Variants in FGL1 observed in about 807,000 individuals in gnomAD.
FGL1 encodes fibrinogen like 1.
Under a neutral mutation model 43.7 loss-of-function variants are expected in FGL1, and 59 were observed. The ratio of observed to expected loss-of-function variants is 1.35; its 90% CI spans 1.10 to 1.68. The LOEUF (loss-of-function observed/expected upper bound fraction) is 1.68. Ranked by LOEUF, FGL1 falls within the 40% of genes most tolerant of loss-of-function variation. The pLI is 0.00. For synonymous variants in FGL1, 192 were observed against 126.5 expected, an observed-to-expected ratio of 1.52 and a Z score of -3.48; for missense variants, 596 against 373.0, an observed-to-expected ratio of 1.60 and a Z score of -4.92.
chr8:17,870,781 C>G (rs1287835757), intron 5 of FGL1, among the ~76,000 whole-genome samples: 1 of 152,016 alleles, frequency 6.6e-6, no homozygotes, highest in East Asian at 1.9e-4. Flanking sequence ...TGGCACGTGC[C>G]TGTAATCCCA....
chr8:17,864,824 T>C, intron 7 of FGL1, 73 bp from the exon 8 acceptor site: 7 of 1,230,062 alleles, frequency 5.7e-6, no homozygotes, highest in Non-Finnish European at 7.3e-6. Flanking sequence ...CCTTTTATTT[T>C]GCTACAAATG....
At chr8:17,877,809 A>G (rs61091837) in intron 3 of FGL1, among the ~76,000 whole-genome samples, 1,769 of 152,308 alleles carry the variant, frequency 0.012, 41 homozygotes, top group African/African-American at 0.041. Flanking sequence ...TAAATGTGCA[A>G]TTAAATTAAT....
In FGL1 at chr8:17,881,989, C is replaced by G. The variant is rs772044342; in HGVS notation, c.244+10G>C. ...AGTTATAGAAACACTTAAGAAAAGT[C>G]CATTCTGACCTGCATACTGCCTCTT... On this transcript the variant is annotated intron_variant, in intron 3 of 7. Transcript: ENST00000427924. The G allele has an allele frequency of 6.2e-7, 1 of 1,610,740 alleles. No individual in the cohort carries two copies. The highest frequency in any genetic ancestry group is 1.3e-5 in the African/African-American group (1 of 74,926).
intron 7 of FGL1, 90 bp downstream of exon 7, chr8:17,868,458 T>A: frequency 1.0e-6 from 1 of 955,066 alleles, no homozygotes; most frequent in Non-Finnish European, 1.5e-6. Context: ...AAATAAAGAC[T>A]AACATTACCA....
chr8:17,878,325 G>C (rs935520934), intron 3 of FGL1, among the ~76,000 whole-genome samples: 5 of 152,160 alleles, frequency 3.3e-5, no homozygotes, highest in Non-Finnish European at 7.3e-5. Context: ...TCATTCTTCA[G>C]ATGGGGAATA....
intron 1 of FGL1, among the ~76,000 whole-genome samples, chr8:17,889,405 C>A (rs1452552488): frequency 1.3e-5 from 2 of 152,038 alleles, no homozygotes; most frequent in African/African-American, 4.8e-5. Context: ...CAAAAATTAG[C>A]CAGGTGTGGT....
chr8:17,892,083 T>C (rs1365003665), intron 1 of FGL1, among the ~76,000 whole-genome samples: 2 of 152,226 alleles, frequency 1.3e-5, no homozygotes, highest in East Asian at 3.8e-4. Flanking sequence ...ATAAATATGT[T>C]TTTTGAGCAA....
intron 3 of FGL1, among the ~76,000 whole-genome samples, chr8:17,879,918 A>C (rs2053509745): frequency 1.3e-5 from 2 of 152,156 alleles, no homozygotes; most frequent in South Asian, 4.1e-4. Context: ...ATGTGTTCAA[A>C]TAGAAACCCC....
At chr8:17,872,255 T>C (rs1304110228) in intron 5 of FGL1, among the ~76,000 whole-genome samples, 1 of 151,522 alleles carries the variant, frequency 6.6e-6, no homozygotes, top group African/African-American at 2.4e-5. Flanking sequence ...CCAATAGCTT[T>C]CCAGAACTTG....
chr8:17,878,880 T>G (rs1397373940), intron 3 of FGL1, among the ~76,000 whole-genome samples: 1 of 151,218 alleles, frequency 6.6e-6, no homozygotes, highest in Non-Finnish European at 1.5e-5. Context: ...GAACAAGTTC[T>G]TATATATTTT....
At chr8:17,880,235 GAGA>G (rs1203322425) in intron 3 of FGL1, among the ~76,000 whole-genome samples, 1 of 152,154 alleles carries the variant, frequency 6.6e-6, no homozygotes, top group Non-Finnish European at 1.5e-5. Flanking sequence ...CTGGCCATAA[GAGA>G]AGCAGGAGCC....
chr8:17,871,904 A>C (rs560918366), intron 5 of FGL1, among the ~76,000 whole-genome samples: 13 of 152,328 alleles, frequency 8.5e-5, no homozygotes, highest in African/African-American at 2.9e-4. Flanking sequence ...ATAATAACTT[A>C]AAAAATAATA....
chr8:17,872,461 C>T (rs2053378365), intron 5 of FGL1, among the ~76,000 whole-genome samples: 1 of 152,048 alleles, frequency 6.6e-6, no homozygotes, highest in Non-Finnish European at 1.5e-5. Flanking sequence ...TGCCACCATG[C>T]CTGGCTAATT....
intron 3 of FGL1, among the ~76,000 whole-genome samples, chr8:17,877,653 G>A (rs1409258714): frequency 2.0e-5 from 3 of 151,986 alleles, no homozygotes; most frequent in South Asian, 2.1e-4. Context: ...TACATAGTAG[G>A]TGTATGTATT....
chr8:17,869,041 G>A (rs1160558138), intron 5 of FGL1, 37 bp from the exon 6 acceptor site: 3 of 1,343,180 alleles, frequency 2.2e-6, no homozygotes, highest in African/African-American at 2.9e-5. Context: ...TTTTAAAAAT[G>A]TGTGACATGA....
chr8:17,869,757 A>C (rs2053328986), intron 5 of FGL1, among the ~76,000 whole-genome samples: 2 of 152,326 alleles, frequency 1.3e-5, no homozygotes, highest in South Asian at 4.1e-4. Flanking sequence ...TACTAACATC[A>C]ATGACTCTGA....
At chr8:17,873,756 A>G (rs2053400571) in intron 5 of FGL1, among the ~76,000 whole-genome samples, 1 of 150,022 alleles carries the variant, frequency 6.7e-6, no homozygotes, top group Non-Finnish European at 1.5e-5. Context: ...TAGAATGTAT[A>G]TATATCTATA....
At chr8:17,877,131 G>C (rs1340256556) in intron 3 of FGL1, among the ~76,000 whole-genome samples, 2 of 151,998 alleles carry the variant, frequency 1.3e-5, no homozygotes, top group East Asian at 1.9e-4. Flanking sequence ...ATATGAACTT[G>C]ATATTTAAAA....
intron 3 of FGL1, among the ~76,000 whole-genome samples, chr8:17,880,946 C>A (rs2131723856): frequency 6.6e-6 from 1 of 152,222 alleles, no homozygotes; most frequent in Admixed American, 6.5e-5. Flanking sequence ...ATATAAAAAA[C>A]TACTCTTTTA....
Sources: allele counts gnomAD v4.1 joint callset (sites outside exome capture counted in the v4.1 genomes callset), GRCh38; gene constraint gnomAD v4.1.1; transcripts MANE v1.5; gene names NCBI Gene and HGNC (gene_info 2026-07-23, HGNC 2026-07-21).